Variants in PRELID2 observed in about 807,000 individuals in gnomAD.
The protein encoded by PRELID2 is PRELI domain containing 2, also known as PRELI domain-containing protein 2.
A neutral mutation model predicts 28.4 loss-of-function variants in PRELID2; 25 were observed. That is an observed-to-expected ratio of 0.88 (90% CI 0.64 to 1.23). PRELID2 has a LOEUF of 1.23. Among genes scored for constraint, PRELID2 ranks in the 50% most tolerant of loss-of-function variants. PRELID2 has a pLI of 0.00. For missense variants in PRELID2, 201 were observed against 214.4 expected (o/e 0.94, Z 0.39); for synonymous variants, 76 against 71.6 (o/e 1.06, Z -0.31).
At chr5:145,286,159 G>A in the PRELID2 span, among the ~76,000 whole-genome samples, 1 of 152,152 alleles carries the variant, frequency 6.6e-6, no homozygotes, top group African/African-American at 2.4e-5. Context: ...CCACAACCCA[G>A]TGAGGAAGGT....
chr5:145,313,376 G>A, the PRELID2 span, among the ~76,000 whole-genome samples: 2 of 152,166 alleles, frequency 1.3e-5, no homozygotes, highest in East Asian at 3.8e-4. Context: ...ATTTGAGAAG[G>A]GAGGAAAGGG....
At chr5:145,282,363 C>A in the PRELID2 span, among the ~76,000 whole-genome samples, 2 of 152,068 alleles carry the variant, frequency 1.3e-5, no homozygotes, top group Non-Finnish European at 2.9e-5. Flanking sequence ...AGGTGAATGT[C>A]TTGATACAAT....
chr5:145,286,899 T>G, the PRELID2 span, among the ~76,000 whole-genome samples: 1 of 152,056 alleles, frequency 6.6e-6, no homozygotes, highest in South Asian at 2.1e-4. Context: ...TTAGCAGAGA[T>G]GAGTTTCACC....
chr5:145,453,688 C>T, the PRELID2 span, among the ~76,000 whole-genome samples: 1 of 152,138 alleles, frequency 6.6e-6, no homozygotes, highest in African/African-American at 2.4e-5. Context: ...TTGTTCCACT[C>T]CCACTTATGA....
intron 1 of PRELID2, among the ~76,000 whole-genome samples, chr5:145,828,489 A>G (rs934435173): frequency 1.3e-5 from 2 of 152,212 alleles, no homozygotes; most frequent in Non-Finnish European, 2.9e-5. Context: ...CTAGACTAAT[A>G]AAAAACTCAG....
At chr5:145,236,550 C>T in the PRELID2 span, among the ~76,000 whole-genome samples, 1 of 152,250 alleles carries the variant, frequency 6.6e-6, no homozygotes, top group South Asian at 2.1e-4. Context: ...CTAAGTCTAG[C>T]TCCTAAAACC....
At chr5:145,596,099 CAAAAAAA>C (rs552746530) in intron 1 of PRELID2, among the ~76,000 whole-genome samples, 3 of 43,970 alleles carry the variant, frequency 6.8e-5, no homozygotes, top group African/African-American at 2.9e-4. Flanking sequence ...GAGCCTGTCT[CAAAAAAA>C]AAAAAAAAAA....
chr5:145,594,069 T>G (rs66745444), intron 1 of PRELID2, among the ~76,000 whole-genome samples: 2,484 of 152,262 alleles, frequency 0.016, 61 homozygotes, highest in African/African-American at 0.056. Flanking sequence ...TTAATTGGGG[T>G]ATTGTTTAGT....
intron 1 of PRELID2, among the ~76,000 whole-genome samples, chr5:145,585,857 C>A (rs1753149651): frequency 6.6e-6 from 1 of 152,048 alleles, no homozygotes; most frequent in Admixed American, 6.6e-5. Flanking sequence ...CCTTGGCACA[C>A]CCATGAGAAC....
rs145503044 is a variant in PRELID2, at chr5:145,652,898, C to T, written n.70+112033G>A. 3.4e-3 allele frequency among the ~76,000 whole-genome samples: 516 copies of T among 152,214 alleles called. 3 individuals are homozygous for T. The highest frequency in any genetic ancestry group is 0.012 in the African/African-American group (483 of 41,532). On this transcript the variant is annotated intron_variant and non_coding_transcript_variant, in intron 1 of 2. Coordinates refer to the PRELID2 transcript ENST00000510259. Reference sequence around the variant, plus strand: ...ATGACAGGATCAAATTCACACATAACGATATTAACATTAAACGTAAATGGG... The same window carrying T: ...ATGACAGGATCAAATTCACACATAATGATATTAACATTAAACGTAAATGGG...
the PRELID2 span, among the ~76,000 whole-genome samples, chr5:145,256,083 C>T: frequency 6.6e-6 from 1 of 151,778 alleles, no homozygotes; most frequent in Non-Finnish European, 1.5e-5. Flanking sequence ...CAAAACAGGT[C>T]TCACTGGGCT....
At position 145,541,292 on chromosome 5, in the gene PRELID2, C is replaced by T. The variant is rs145892106; in HGVS notation, n.71-67977G>A. ...TATATATAGTTTAGTATGTGCAAAGCACAGTTGAAAATATATTTTGTGGAC... is the reference window on the plus strand; with the variant it reads ...TATATATAGTTTAGTATGTGCAAAGTACAGTTGAAAATATATTTTGTGGAC... On this transcript the variant is annotated intron_variant and non_coding_transcript_variant, in intron 1 of 2. Transcript: ENST00000510259. Among the ~76,000 whole-genome samples the T allele has an allele frequency of 5.4e-4, 82 of 152,146 alleles. No homozygotes were observed. The East Asian group carries it at 9.7e-3, about 18-fold the overall frequency.
chr5:145,351,371 G>A, the PRELID2 span, among the ~76,000 whole-genome samples: 1 of 152,104 alleles, frequency 6.6e-6, no homozygotes, highest in African/African-American at 2.4e-5. Context: ...TCTTCACATG[G>A]TGGCAGGAAG....
intron 1 of PRELID2, among the ~76,000 whole-genome samples, chr5:145,638,857 G>A (rs1478056914): frequency 6.6e-6 from 1 of 152,204 alleles, no homozygotes; most frequent in African/African-American, 2.4e-5. Context: ...GTCCTATCTT[G>A]TTCTGTAATG....
the PRELID2 span, among the ~76,000 whole-genome samples, chr5:145,257,379 G>A: frequency 1.3e-5 from 2 of 151,904 alleles, no homozygotes; most frequent in African/African-American, 4.8e-5. Flanking sequence ...TAACAGAGGA[G>A]GGTATAATTA....
the PRELID2 span, among the ~76,000 whole-genome samples, chr5:145,351,369 T>C: frequency 7.2e-5 from 11 of 152,126 alleles, no homozygotes; most frequent in African/African-American, 2.7e-4. Context: ...CTTCTTCACA[T>C]GGTGGCAGGA....
chr5:145,785,995 A>G (rs1351802816), intron 5 of PRELID2, among the ~76,000 whole-genome samples: 1 of 152,204 alleles, frequency 6.6e-6, no homozygotes, highest in Non-Finnish European at 1.5e-5. Flanking sequence ...AGCACCCAAA[A>G]GGATGAAGAC....
At chr5:145,505,508 G>A (rs999343026) in intron 1 of PRELID2, among the ~76,000 whole-genome samples, 2 of 151,760 alleles carry the variant, frequency 1.3e-5, no homozygotes, top group African/African-American at 4.8e-5. Context: ...CTTCTTTTTT[G>A]TTCTTGACAA....
At chr5:145,253,769 C>G in the PRELID2 span, among the ~76,000 whole-genome samples, 2 of 151,502 alleles carry the variant, frequency 1.3e-5, no homozygotes, top group South Asian at 2.1e-4. Context: ...CAGAGACAAT[C>G]ATGAAACATA....
Sources: gnomAD v4.1 joint callset for allele counts (sites outside exome capture counted in the v4.1 genomes callset) on GRCh38, gnomAD v4.1.1 for gene constraint, MANE v1.5 for transcripts, NCBI Gene and HGNC (gene_info 2026-07-23, HGNC 2026-07-21) for gene names.